Variants in FIP1L1 observed in about 807,000 individuals in gnomAD.
FIP1L1 encodes the protein factor interacting with PAPOLA and CPSF1.
In FIP1L1, 21 loss-of-function variants were observed where a neutral mutation model predicts 84.6. That is an observed-to-expected ratio of 0.25 (90% confidence interval 0.18 to 0.36). The LOEUF is 0.36. FIP1L1 is among the 10% of genes least tolerant of loss of function. The pLI is 1.00. For missense variants in FIP1L1, 526 were observed against 751.1 expected (o/e 0.70, Z 3.50); for synonymous variants, 263 against 242.3 (o/e 1.09, Z -0.80).
At chr4:53,408,057 T>C (rs1754745513) in intron 10 of FIP1L1, among the ~76,000 whole-genome samples, 1 of 152,226 alleles carries the variant, frequency 6.6e-6, no homozygotes, top group African/African-American at 2.4e-5. Flanking sequence ...CTGGTTATTT[T>C]GCTCGTTAGT....
In FIP1L1 at chr4:53,384,161, G is replaced by A. The variant is rs1739587183; in HGVS notation, c.332+285G>A. Among the ~76,000 whole-genome samples the A allele has an allele frequency of 2.6e-5, 4 of 152,042 alleles. No individual in the cohort carries two copies. In the South Asian group the frequency reaches 6.2e-4, roughly 24 times the overall value. On this transcript the variant is annotated intron_variant, in intron 5 of 17. Coordinates refer to ENST00000337488, the MANE Select transcript of FIP1L1 (RefSeq NM_030917.4). Reference sequence around the variant, plus strand: ...TAGAGGTTCATGCCTGTAATCCCAGGACTTTGGGAGGCCGAGGCGGGTGAA... The same window carrying A: ...TAGAGGTTCATGCCTGTAATCCCAGAACTTTGGGAGGCCGAGGCGGGTGAA...
chr4:53,436,716 G>A (rs528654104), intron 13 of FIP1L1, among the ~76,000 whole-genome samples: 5 of 152,182 alleles, frequency 3.3e-5, no homozygotes, highest in South Asian at 4.2e-4. Context: ...TAGTTTTTTT[G>A]TGAGTGCAAA....
Position 53,425,978 on chromosome 4 carries a change from AAAAT to A in FIP1L1, c.1017+20_1017+23del, listed in dbSNP as rs1560549058. 1.3e-6 allele frequency: 2 copies of A among 1,570,636 alleles called. No individual in the cohort carries two copies. The highest frequency in any genetic ancestry group is 1.7e-6 in the Non-Finnish European group (2 of 1,149,830). On this transcript the variant is annotated intron_variant, in intron 12 of 17. Transcript: ENST00000337488. ...CAGCAACATACAGGTTTAGTATTTT[AAAAT>A]AAATAATTTTCTTTAACTGAAGGAT... is the stretch of plus-strand genomic sequence containing the variant.
chr4:53,428,628 A>C (rs150808870), intron 13 of FIP1L1, among the ~76,000 whole-genome samples: 1 of 152,262 alleles, frequency 6.6e-6, no homozygotes, highest in East Asian at 1.9e-4. Flanking sequence ...CTTTTAGGAG[A>C]CTGCTACTGG....
chr4:53,460,841 A>AAT lies in FIP1L1; in HGVS notation c.*1396_*1397dup. Reference sequence around the variant, plus strand: ...TTTAAATATAAAAACTGACAAGATAAATATAGTGTTTCAACTTCTTAGCCT... The same window carrying AAT: ...TTTAAATATAAAAACTGACAAGATAAATATATAGTGTTTCAACTTCTTAGCCT... On this transcript the variant is annotated 3_prime_UTR_variant, in exon 18 of 18. Coordinates refer to ENST00000337488, the MANE Select transcript of FIP1L1 (RefSeq NM_030917.4). The AAT allele has an allele frequency of 7.3e-7, 1 of 1,376,144 alleles. No homozygotes were observed. The highest frequency in any genetic ancestry group is 1.0e-6 in the Non-Finnish European group (1 of 998,112). 85.2% of individuals were successfully genotyped at this position (1,376,144 alleles called of 1,614,324 possible).
At chr4:53,446,177 CTA>C (rs1378665584) in intron 15 of FIP1L1, among the ~76,000 whole-genome samples, 7 of 148,866 alleles carry the variant, frequency 4.7e-5, no homozygotes, top group Admixed American at 4.7e-4. Flanking sequence ...GTTTCAATGA[CTA>C]TGTTTCTTCC....
chr4:53,392,047 G>A (rs1188309851), intron 9 of FIP1L1, among the ~76,000 whole-genome samples: 1 of 152,146 alleles, frequency 6.6e-6, no homozygotes, highest in African/African-American at 2.4e-5. Flanking sequence ...AAAAGGAGTA[G>A]GTTTATGTGA....
intron 10 of FIP1L1, among the ~76,000 whole-genome samples, chr4:53,408,097 T>C (rs576488277): frequency 2.0e-5 from 3 of 152,204 alleles, no homozygotes; most frequent in African/African-American, 4.8e-5. Context: ...CCTCGATGGT[T>C]TTTACAGTTT....
intron 13 of FIP1L1, among the ~76,000 whole-genome samples, chr4:53,433,590 ACTCTTATCAGCC>A (rs1767708109): frequency 6.6e-6 from 1 of 151,882 alleles, no homozygotes; most frequent in Non-Finnish European, 1.5e-5. Flanking sequence ...TTTTGTATGA[ACTCTTATCAGCC>A]TCAAATGACT....
At position 53,425,940 on chromosome 4, in the gene FIP1L1, G is replaced by C; in HGVS notation, c.992G>C (p.Arg331Pro). The change falls in exon 12 of 18, where the codon CGG (arginine) becomes CCG (proline). Residue 331 changes from arginine to proline, a missense_variant. By Grantham distance (103) the Arg-to-Pro change is moderately radical (BLOSUM62 -2). Transcript: ENST00000337488. ...ATCAGCCGAGTAGAAGGCAGGCGAC[G>C]GGCAAATGAGAACAGCAACATACAG... ...ITISRVEGRR[R>P]ANENSNIQVL... 3 of 1,611,448 alleles carry C rather than the reference G, an allele frequency of 1.9e-6. No individual in the cohort carries two copies. The highest frequency in any genetic ancestry group is 1.3e-5 in the African/African-American group (1 of 74,910).
intron 13 of FIP1L1, among the ~76,000 whole-genome samples, chr4:53,438,385 G>T (rs1250196128): frequency 6.6e-6 from 1 of 152,038 alleles, no homozygotes; most frequent in Non-Finnish European, 1.5e-5. Context: ...GAATGATGTT[G>T]GCCTTACATG....
intron 11 of FIP1L1, among the ~76,000 whole-genome samples, chr4:53,425,271 A>G (rs574051122): frequency 6.6e-6 from 1 of 152,128 alleles, no homozygotes; most frequent in South Asian, 2.1e-4. Context: ...ATGATAGACT[A>G]TTTTTCCATA....
At chr4:53,411,364 C>G (rs749383520) in intron 10 of FIP1L1, among the ~76,000 whole-genome samples, 10 of 152,198 alleles carry the variant, frequency 6.6e-5, no homozygotes, top group Non-Finnish European at 1.5e-4. Context: ...GTTGTCAATA[C>G]TGTCACTTTC....
At chr4:53,452,152 GAT>G (rs1228702435) in intron 15 of FIP1L1, among the ~76,000 whole-genome samples, 2 of 152,078 alleles carry the variant, frequency 1.3e-5, no homozygotes, top group African/African-American at 4.8e-5. Context: ...AAAGTGTTGG[GAT>G]TACAGGCATG....
intron 15 of FIP1L1, among the ~76,000 whole-genome samples, chr4:53,448,150 C>T (rs920171974): frequency 2.0e-5 from 3 of 151,998 alleles, no homozygotes; most frequent in African/African-American, 7.2e-5. Context: ...AAGTTTTGCT[C>T]TTCACATTTA....
chr4:53,406,341 G>C (rs1213506743), intron 10 of FIP1L1, among the ~76,000 whole-genome samples: 1 of 152,164 alleles, frequency 6.6e-6, no homozygotes, highest in African/African-American at 2.4e-5. Flanking sequence ...AACCAGCCTT[G>C]CATCCCAGGG....
chr4:53,390,915 T>G, intron 7 of FIP1L1, 94 bp from the exon 8 acceptor site: 1 of 1,064,208 alleles, frequency 9.4e-7, no homozygotes, highest in Non-Finnish European at 1.3e-6. Context: ...CTGATAGAAC[T>G]CTAAATTTAT....
At chr4:53,417,828 T>A (rs1434830693) in intron 11 of FIP1L1, among the ~76,000 whole-genome samples, 3 of 138,154 alleles carry the variant, frequency 2.2e-5, no homozygotes, top group African/African-American at 5.6e-5. Flanking sequence ...CTCAGGCTAC[T>A]TTTTCTCTTT....
chr4:53,379,601 G>GTT (rs747056901), intron 3 of FIP1L1, among the ~76,000 whole-genome samples: 1 of 152,208 alleles, frequency 6.6e-6, no homozygotes, highest in Non-Finnish European at 1.5e-5. Context: ...AATTGAAAAT[G>GTT]TTTTTAAGTA....
Sources: allele counts gnomAD v4.1 joint callset (sites outside exome capture counted in the v4.1 genomes callset), GRCh38; gene constraint gnomAD v4.1.1; transcripts MANE v1.5; gene names NCBI Gene and HGNC (gene_info 2026-07-23, HGNC 2026-07-21).